The following ADGRB3 variants were observed in gnomAD, a reference collection of about 807,000 sequenced individuals.
ADGRB3 encodes adhesion G protein-coupled receptor B3, also known as brain-specific angiogenesis inhibitor 3.
ADGRB3 carries 37 observed loss-of-function variants against 193.4 expected under a neutral mutation model. The ratio of observed to expected loss-of-function variants is 0.19; its 90% confidence interval spans 0.15 to 0.25. ADGRB3 has a LOEUF of 0.25. ADGRB3 is among the 10% of genes least tolerant of loss of function. The pLI is 1.00. For missense variants in ADGRB3, 1,637 were observed against 1,852.9 expected, an observed-to-expected ratio of 0.88 and a Z score of 2.14; for synonymous variants, 690 against 644.2, an observed-to-expected ratio of 1.07 and a Z score of -1.08.
At chr6:68,695,364 G>T (rs1266198482) in intron 3 of ADGRB3, among the ~76,000 whole-genome samples, 1 of 151,968 alleles carries the variant, frequency 6.6e-6, no homozygotes, top group Admixed American at 6.6e-5. Context: ...TAAAAAAATT[G>T]TCCCTCCTTC....
At chr6:68,894,248 A>C (rs1051151172) in intron 3 of ADGRB3, among the ~76,000 whole-genome samples, 6 of 151,922 alleles carry the variant, frequency 3.9e-5, no homozygotes, top group Admixed American at 3.3e-4. Context: ...TTGCTTCCTG[A>C]CCAATGCTCC....
At chr6:68,874,953 A>G (rs1765550707) in intron 3 of ADGRB3, among the ~76,000 whole-genome samples, 5 of 152,218 alleles carry the variant, frequency 3.3e-5, no homozygotes. Flanking sequence ...GCTGTGCCTC[A>G]CTGATATCCC....
At chr6:69,040,677 A>C (rs1771031717) in intron 13 of ADGRB3, among the ~76,000 whole-genome samples, 1 of 54,330 alleles carries the variant, frequency 1.8e-5, no homozygotes, top group Admixed American at 1.9e-4. Context: ...CTGATGGACA[A>C]AAAAAAAAAA....
intron 20 of ADGRB3, among the ~76,000 whole-genome samples, chr6:69,282,627 T>C (rs1476342229): frequency 6.6e-6 from 1 of 152,148 alleles, no homozygotes; most frequent in East Asian, 1.9e-4. Context: ...TGTTGGAAAA[T>C]ATGTAAAATG....
At chr6:69,146,821 C>CTTTTTTTTTTTTTTTT (rs756561473) in intron 17 of ADGRB3, among the ~76,000 whole-genome samples, 8 of 103,238 alleles carry the variant, frequency 7.7e-5, no homozygotes, top group East Asian at 3.3e-4. Flanking sequence ...CTCATTACTT[C>CTTTTTTTTTTTTTTTT]TTTTTTTTTT....
intron 28 of ADGRB3, among the ~76,000 whole-genome samples, chr6:69,356,788 T>C (rs1353792240): frequency 2.6e-5 from 4 of 152,152 alleles, no homozygotes; most frequent in Non-Finnish European, 1.5e-5. Context: ...CAGCACGTCC[T>C]GTTTAGAGGG....
At chr6:69,250,353 A>G (rs148989041) in intron 20 of ADGRB3, among the ~76,000 whole-genome samples, 149 of 152,282 alleles carry the variant, frequency 9.8e-4, no homozygotes, top group African/African-American at 3.4e-3. Context: ...AAATAAGACC[A>G]CCTATTTCTT....
rs143119570 is a variant in ADGRB3, at chr6:69,238,272, G to A, written c.2712-852G>A. Among the ~76,000 whole-genome samples the A allele has an allele frequency of 1.7e-3, 261 of 152,156 alleles. 1 individual carries two copies. The highest frequency in any genetic ancestry group is 7.9e-3 in the South Asian group (38 of 4,824). ...CTAAACACACAGCAAATACAACAGT[G>A]TCTTTTTGTTACTGTCACTCAGTGA... On this transcript the variant is annotated intron_variant, in intron 19 of 31. Coordinates refer to ENST00000370598, the MANE Select transcript of ADGRB3 (RefSeq NM_001704.3).
At chr6:68,769,777 A>G (rs529982209) in intron 3 of ADGRB3, among the ~76,000 whole-genome samples, 5 of 152,152 alleles carry the variant, frequency 3.3e-5, no homozygotes, top group Non-Finnish European at 7.4e-5. Flanking sequence ...TCCTAAACGA[A>G]GTTCTGAGAG....
intron 3 of ADGRB3, among the ~76,000 whole-genome samples, chr6:68,697,508 G>A (rs2127306666): frequency 6.6e-6 from 1 of 151,984 alleles, no homozygotes; most frequent in East Asian, 1.9e-4. Context: ...GCTTTTCATA[G>A]TAACATTTTT....
At chr6:69,254,532 T>C (rs1177506969) in intron 20 of ADGRB3, among the ~76,000 whole-genome samples, 11 of 152,106 alleles carry the variant, frequency 7.2e-5, no homozygotes, top group Non-Finnish European at 1.5e-4. Flanking sequence ...CATAACTATC[T>C]TTATGTTTTT....
At chr6:69,135,611 G>A (rs1774128576) in intron 17 of ADGRB3, among the ~76,000 whole-genome samples, 1 of 151,878 alleles carries the variant, frequency 6.6e-6, no homozygotes, top group African/African-American at 2.4e-5. Flanking sequence ...GCTCAAAAAA[G>A]CCGGCAAGTT....
intron 13 of ADGRB3, among the ~76,000 whole-genome samples, chr6:69,042,820 AATG>A (rs1032087677): frequency 1.6e-4 from 24 of 152,232 alleles, no homozygotes; most frequent in African/African-American, 5.5e-4. Context: ...CAACATGAAA[AATG>A]ATGCAAACTT....
intron 3 of ADGRB3, among the ~76,000 whole-genome samples, chr6:68,807,525 C>A (rs1024952584): frequency 6.6e-6 from 1 of 151,984 alleles, no homozygotes; most frequent in Non-Finnish European, 1.5e-5. Context: ...CAGGCGTGAG[C>A]CACCGCGCCT....
At chr6:69,328,947 C>G (rs1256330531) in intron 22 of ADGRB3, among the ~76,000 whole-genome samples, 1 of 151,940 alleles carries the variant, frequency 6.6e-6, no homozygotes, top group Non-Finnish European at 1.5e-5. Flanking sequence ...TTCCTACTTT[C>G]AAAGAGTTCA....
At chr6:68,787,302 G>A (rs11757285) in intron 3 of ADGRB3, among the ~76,000 whole-genome samples, 39,863 of 151,922 alleles carry the variant, frequency 0.26, 5,801 homozygotes, top group East Asian at 0.65. Context: ...GTCATAGATC[G>A]CTCTTATTAT....
intron 3 of ADGRB3, among the ~76,000 whole-genome samples, chr6:68,852,745 G>A (rs1768432328): frequency 6.6e-6 from 1 of 151,910 alleles, no homozygotes; most frequent in Admixed American, 6.6e-5. Flanking sequence ...AAAAATTGTA[G>A]TCTTCAGTGC....
intron 8 of ADGRB3, among the ~76,000 whole-genome samples, chr6:68,965,946 T>C (rs3798974): frequency 0.34 from 51,963 of 152,072 alleles, 9,159 homozygotes; most frequent in East Asian, 0.6. Context: ...ATCTCTAGCT[T>C]GTTTTCTTCT....
At chr6:69,255,492 T>A (rs931834803) in intron 20 of ADGRB3, among the ~76,000 whole-genome samples, 7 of 152,208 alleles carry the variant, frequency 4.6e-5, no homozygotes, top group Non-Finnish European at 7.3e-5. Flanking sequence ...GTTTTTTGGC[T>A]GCATAAATGT....
Sources: gnomAD v4.1 joint callset for allele counts (sites outside exome capture counted in the v4.1 genomes callset) on GRCh38, gnomAD v4.1.1 for gene constraint, MANE v1.5 for transcripts, NCBI Gene and HGNC (gene_info 2026-07-23, HGNC 2026-07-21) for gene names.